CNBD1: variants seen among roughly 807,000 people sequenced by gnomAD.
CNBD1 encodes cyclic nucleotide binding domain containing 1, also known as cyclic nucleotide-binding domain-containing protein 1.
Under a neutral mutation model 54.4 loss-of-function variants are expected in CNBD1, and 71 were observed. The ratio of observed to expected loss-of-function variants is 1.30; its 90% confidence interval spans 1.08 to 1.59. The LOEUF is 1.59. CNBD1 is among the 40% of genes most tolerant of loss of function. The probability of loss-of-function intolerance (pLI) is 0.00; values close to 1 mark genes in which losing one functional copy is unlikely to be tolerated. For missense variants in CNBD1, 659 were observed against 518.0 expected, an observed-to-expected ratio of 1.27 and a Z score of -2.64; for synonymous variants, 182 against 170.7, an observed-to-expected ratio of 1.07 and a Z score of -0.51.
At chr8:87,224,690 T>G (rs2130812654) in intron 5 of CNBD1, among the ~76,000 whole-genome samples, 1 of 151,788 alleles carries the variant, frequency 6.6e-6, no homozygotes, top group East Asian at 1.9e-4. Flanking sequence ...GCCTCCAGCT[T>G]TGTTCTTTTG....
intron 4 of CNBD1, among the ~76,000 whole-genome samples, chr8:87,005,242 C>T (rs1228152610): frequency 1.8e-4 from 27 of 151,774 alleles, no homozygotes; most frequent in Non-Finnish European, 1.2e-4. Flanking sequence ...CGGTGGCGGG[C>T]GCCTGTAGTC....
chr8:86,917,625 G>C (rs902568441), intron 3 of CNBD1, among the ~76,000 whole-genome samples: 1 of 152,156 alleles, frequency 6.6e-6, no homozygotes, highest in South Asian at 2.1e-4. Context: ...ATCTGATGAC[G>C]TGAGGAGAAG....
chr8:87,248,582 T>C (rs1807852473), intron 6 of CNBD1, among the ~76,000 whole-genome samples: 1 of 152,224 alleles, frequency 6.6e-6, no homozygotes, highest in Non-Finnish European at 1.5e-5. Context: ...TTTGAAGGTC[T>C]CATGGCTTCG....
chr8:87,388,477 A>T (rs1182916366), intron 2 of CNBD1, among the ~76,000 whole-genome samples: 1 of 152,208 alleles, frequency 6.6e-6, no homozygotes, highest in Non-Finnish European at 1.5e-5. Flanking sequence ...AAACACCTCT[A>T]CGCAAATAAA....
intron 1 of CNBD1, among the ~76,000 whole-genome samples, chr8:86,867,484 C>A (rs1056322435): frequency 1.3e-5 from 2 of 152,158 alleles, no homozygotes; most frequent in African/African-American, 4.8e-5. Flanking sequence ...TGCTCATAGT[C>A]TCCAGGTTAA....
At chr8:87,194,164 G>T (rs1396519151) in intron 4 of CNBD1, among the ~76,000 whole-genome samples, 1 of 152,148 alleles carries the variant, frequency 6.6e-6, no homozygotes, top group Admixed American at 6.5e-5. Flanking sequence ...ACAAAAAATG[G>T]TCTCCACTAA....
At chr8:87,298,719 T>C (rs2336989) in intron 8 of CNBD1, among the ~76,000 whole-genome samples, 86,010 of 151,592 alleles carry the variant, frequency 0.57, 25,911 homozygotes, top group African/African-American at 0.77. Context: ...CTCCTGACCT[T>C]GTGATTTGCC....
chr8:87,291,149 A>T (rs1408932316), intron 8 of CNBD1, among the ~76,000 whole-genome samples: 1 of 152,180 alleles, frequency 6.6e-6, no homozygotes, highest in Non-Finnish European at 1.5e-5. Flanking sequence ...GTTTGAAAGG[A>T]CATTTGTATC....
rs191777822 is a variant in CNBD1, at chr8:87,208,334, A to C, written c.577+2196A>C. ...AATATTATATTTCTAAGTAGTGAAT[A>C]AAACACATTATGTGTGTCTAAGTTA... is the stretch of plus-strand genomic sequence containing the variant. On this transcript the variant is annotated intron_variant, in intron 5 of 10. Coordinates refer to ENST00000518476, the MANE Select transcript of CNBD1 (RefSeq NM_173538.3). 1.5e-3 allele frequency among the ~76,000 whole-genome samples: 226 copies of C among 152,262 alleles called. 8 individuals carry two copies. Among genetic ancestry groups the C allele is most frequent in the Admixed American group, 0.014 (207 of 15,276 alleles).
intron 3 of CNBD1, among the ~76,000 whole-genome samples, chr8:86,913,770 T>G (rs1809141543): frequency 6.6e-6 from 1 of 152,084 alleles, no homozygotes; most frequent in African/African-American, 2.4e-5. Flanking sequence ...CCTGTCTGAG[T>G]AGAATTCGCC....
intron 8 of CNBD1, among the ~76,000 whole-genome samples, chr8:87,298,441 A>G (rs1283595068): frequency 6.6e-6 from 1 of 151,352 alleles, no homozygotes; most frequent in Non-Finnish European, 1.5e-5. Flanking sequence ...AACAACATAA[A>G]TGGATATTCC....
In CNBD1 at chr8:87,240,338, A is replaced by G. The variant is rs971603026; in HGVS notation, c.771+3226A>G. Among the ~76,000 whole-genome samples, 15 of 152,288 alleles carry G rather than the reference A, an allele frequency of 9.8e-5. No homozygotes were observed. In the East Asian group the frequency reaches 2.9e-3, roughly 29 times the overall value. On this transcript the variant is annotated intron_variant, in intron 6 of 10. Transcript: ENST00000518476. ...TTGGAATTATGTGGAAAAAACTGAT[A>G]AAAATATATTAATATATTCAACAGG... is the stretch of plus-strand genomic sequence containing the variant.
At chr8:86,919,030 T>TA (rs199682652) in intron 3 of CNBD1, among the ~76,000 whole-genome samples, 17 of 150,944 alleles carry the variant, frequency 1.1e-4, no homozygotes, top group East Asian at 2.0e-4. Flanking sequence ...CTTTTTTTTT[T>TA]AAAAAAAAAG....
intron 8 of CNBD1, among the ~76,000 whole-genome samples, chr8:87,348,181 A>C (rs1228439228): frequency 2.0e-5 from 3 of 152,154 alleles, no homozygotes; most frequent in Non-Finnish European, 4.4e-5. Context: ...GCATTGTATA[A>C]TTGGAAATTA....
At chr8:86,963,789 C>G (rs1385469943) in intron 4 of CNBD1, among the ~76,000 whole-genome samples, 1 of 152,122 alleles carries the variant, frequency 6.6e-6, no homozygotes, top group Non-Finnish European at 1.5e-5. Context: ...CTAGAATCAC[C>G]CTAGCTCCTG....
intron 8 of CNBD1, among the ~76,000 whole-genome samples, chr8:87,295,047 T>C (rs1808855432): frequency 6.6e-6 from 1 of 151,926 alleles, no homozygotes; most frequent in Non-Finnish European, 1.5e-5. Flanking sequence ...AGTATACCTT[T>C]TTGCTAGAGT....
intron 10 of CNBD1, among the ~76,000 whole-genome samples, chr8:87,365,514 A>G (rs541390777): frequency 6.6e-6 from 1 of 152,014 alleles, no homozygotes; most frequent in Admixed American, 6.6e-5. Flanking sequence ...CAGATTTGCT[A>G]TACTTGAAAC....
At chr8:87,279,977 T>A (rs971441076) in intron 6 of CNBD1, among the ~76,000 whole-genome samples, 1 of 151,576 alleles carries the variant, frequency 6.6e-6, no homozygotes, top group African/African-American at 2.4e-5. Context: ...AAAGATATTT[T>A]TTTTCTATAA....
At chr8:87,228,999 T>G (rs937424107) in intron 5 of CNBD1, among the ~76,000 whole-genome samples, 1 of 152,144 alleles carries the variant, frequency 6.6e-6, no homozygotes, top group African/African-American at 2.4e-5. Context: ...AGTGACCCGA[T>G]TTTCCCGATT....
Sources: allele counts gnomAD v4.1 joint callset (sites outside exome capture counted in the v4.1 genomes callset), GRCh38; gene constraint gnomAD v4.1.1; transcripts MANE v1.5; gene names NCBI Gene and HGNC (gene_info 2026-07-23, HGNC 2026-07-21).